The following TESK2 variants were observed in gnomAD, a reference collection of about 807,000 sequenced individuals.
The protein encoded by TESK2 is dual specificity testis-specific protein kinase 2.
A neutral mutation model predicts 57.1 loss-of-function variants in TESK2; 39 were observed. The observed-to-expected ratio is 0.68, with a 90% confidence interval of 0.53 to 0.89. TESK2 has a LOEUF of 0.89. Among genes scored for constraint, TESK2 ranks in the 40% least tolerant of loss-of-function variants. The pLI, the probability that TESK2 is intolerant of heterozygous loss-of-function variation, is 0.00. For synonymous variants in TESK2, 249 were observed against 267.9 expected (o/e 0.93, Z 0.69); for missense variants, 646 against 732.1 (o/e 0.88, Z 1.36).
intron 3 of TESK2, among the ~76,000 whole-genome samples, chr1:45,390,578 G>GTTTT (rs35041752): frequency 8.3e-5 from 12 of 143,742 alleles, no homozygotes; most frequent in African/African-American, 3.0e-4. Flanking sequence ...TGTTTCTAAG[G>GTTTT]TTTTTTTTTT....
intron 2 of TESK2, among the ~76,000 whole-genome samples, chr1:45,431,844 T>G (rs1209706350): frequency 2.6e-5 from 4 of 152,176 alleles, no homozygotes; most frequent in Non-Finnish European, 5.9e-5. Context: ...GCATGGGATA[T>G]TCTAAGGAAT....
chr1:45,393,448 T>G (rs1026823238), intron 3 of TESK2, among the ~76,000 whole-genome samples: 4 of 152,080 alleles, frequency 2.6e-5, no homozygotes, highest in Admixed American at 2.6e-4. Flanking sequence ...TAGCTTTATA[T>G]TGGAAAAAGA....
chr1:45,428,816 A>ACTT (rs768015378), intron 2 of TESK2, among the ~76,000 whole-genome samples: 2 of 82,590 alleles, frequency 2.4e-5, no homozygotes, highest in Non-Finnish European at 4.2e-5. Context: ...TAAATTCCTG[A>ACTT]TTTTTTTTTT....
At chr1:45,472,068 G>A (rs895480583) in intron 1 of TESK2, among the ~76,000 whole-genome samples, 45 of 151,158 alleles carry the variant, frequency 3.0e-4, no homozygotes, top group African/African-American at 9.5e-4. Flanking sequence ...TGGCTAACAC[G>A]GTGAAACCCC....
chr1:45,459,946 T>A (rs1652263636), intron 1 of TESK2, among the ~76,000 whole-genome samples: 2 of 152,206 alleles, frequency 1.3e-5, no homozygotes, highest in Non-Finnish European at 1.5e-5. Flanking sequence ...TTATTCTAAG[T>A]GAACTAACAC....
chr1:45,426,787 A>G (rs1377913046), intron 2 of TESK2, among the ~76,000 whole-genome samples: 1 of 152,212 alleles, frequency 6.6e-6, no homozygotes. Flanking sequence ...AATGGGCAAA[A>G]GATCTGAACA....
At chr1:45,348,577 C>T (rs535133354) in intron 5 of TESK2, among the ~76,000 whole-genome samples, 2 of 152,362 alleles carry the variant, frequency 1.3e-5, no homozygotes, top group East Asian at 1.9e-4. Context: ...CCCCTATGCA[C>T]ATATCCTCAT....
chr1:45,433,016 G>C (rs1445948157), intron 2 of TESK2, among the ~76,000 whole-genome samples: 2 of 145,596 alleles, frequency 1.4e-5, no homozygotes, highest in Non-Finnish European at 3.0e-5. Flanking sequence ...TGCCCACCTT[G>C]GCCTCCCAAA....
At chr1:45,370,465 T>C (rs1046287632) in intron 4 of TESK2, among the ~76,000 whole-genome samples, 1 of 152,114 alleles carries the variant, frequency 6.6e-6, no homozygotes. Flanking sequence ...TCAATGTAAA[T>C]AAAACAATCG....
intron 4 of TESK2, among the ~76,000 whole-genome samples, chr1:45,370,655 G>T (rs967985541): frequency 1.3e-5 from 2 of 152,178 alleles, no homozygotes; most frequent in African/African-American, 2.4e-5. Flanking sequence ...GGCCAGGGGG[G>T]ATGAAGAGGT....
intron 2 of TESK2, among the ~76,000 whole-genome samples, chr1:45,454,528 C>T (rs1327661552): frequency 6.6e-6 from 1 of 152,054 alleles, no homozygotes; most frequent in African/African-American, 2.4e-5. Context: ...ATTCTCCCGT[C>T]TTGGCCTCTC....
intron 3 of TESK2, among the ~76,000 whole-genome samples, chr1:45,415,533 G>T (rs185982992): frequency 6.6e-6 from 1 of 151,978 alleles, no homozygotes; most frequent in Admixed American, 6.6e-5. Flanking sequence ...TTATGATTAC[G>T]AAATAAAAAC....
chr1:45,344,424 G>A lies in TESK2; in HGVS notation c.*416C>T, dbSNP rs537902027. 9.0e-5 allele frequency: 16 copies of A among 176,914 alleles called. No homozygotes were observed. The highest frequency in any genetic ancestry group is 7.1e-4 in the South Asian group (5 of 7,056). 11.0% of individuals were successfully genotyped at this position (176,914 alleles called of 1,614,324 possible). A position where few individuals can be genotyped will look rare whatever the true frequency, so the allele number is the denominator to read the frequency against. ...TCTGGGAAACAGCCATGACCATTAC[G>A]GCCTCTTGATCAGCTCCATGTTCCA... On this transcript the variant is annotated 3_prime_UTR_variant, in exon 11 of 11. Coordinates refer to ENST00000372086, the MANE Select transcript of TESK2 (RefSeq NM_007170.3).
chr1:45,466,585 G>A (rs923998911), intron 1 of TESK2, among the ~76,000 whole-genome samples: 2 of 151,436 alleles, frequency 1.3e-5, no homozygotes, highest in Non-Finnish European at 2.9e-5. Context: ...AGGAGGTCAA[G>A]GCTGCAGTGA....
At chr1:45,386,137 G>A (rs1648883862) in intron 3 of TESK2, among the ~76,000 whole-genome samples, 177 bp from the exon 4 acceptor site, 1 of 152,036 alleles carries the variant, frequency 6.6e-6, no homozygotes. Flanking sequence ...CTGAGGTCAG[G>A]AGTTCAAGAC....
chr1:45,468,073 G>A (rs1652627419), intron 1 of TESK2, among the ~76,000 whole-genome samples: 1 of 151,962 alleles, frequency 6.6e-6, no homozygotes, highest in South Asian at 2.1e-4. Flanking sequence ...CTACTCAGGA[G>A]GCCAAGGTGG....
At chr1:45,455,935 G>C (rs1395615044) in intron 2 of TESK2, among the ~76,000 whole-genome samples, 1 of 151,982 alleles carries the variant, frequency 6.6e-6, no homozygotes, top group African/African-American at 2.4e-5. Flanking sequence ...GCTCTTACCT[G>C]TAATCCCAAC....
Position 45,476,720 on chromosome 1 carries a change from G to A in TESK2, c.-87+14132C>T, listed in dbSNP as rs139518256. ...AAATTAGACAGGCCTGGTGGCACAC[G>A]CCTGTAGTCCCAGCTACTTGGGAAG... is the stretch of plus-strand genomic sequence containing the variant. On this transcript the variant is annotated intron_variant, in intron 1 of 10. Coordinates refer to ENST00000372086, the MANE Select transcript of TESK2 (RefSeq NM_007170.3). 2.9e-3 allele frequency among the ~76,000 whole-genome samples: 445 copies of A among 152,084 alleles called. 4 individuals carry two copies. The highest frequency in any genetic ancestry group is 0.015 in the East Asian group (76 of 5,160).
chr1:45,465,726 T>A (rs1044218832), intron 1 of TESK2, among the ~76,000 whole-genome samples: 7 of 152,150 alleles, frequency 4.6e-5, no homozygotes, highest in Non-Finnish European at 8.8e-5. Context: ...GAGGCCTGAA[T>A]AAAGATATTC....
Sources: gnomAD v4.1 joint callset for allele counts (sites outside exome capture counted in the v4.1 genomes callset) on GRCh38, gnomAD v4.1.1 for gene constraint, MANE v1.5 for transcripts, NCBI Gene and HGNC (gene_info 2026-07-23, HGNC 2026-07-21) for gene names.